Variants in IGBP1 observed in about 807,000 individuals in gnomAD.
IGBP1 encodes the protein immunoglobulin binding protein 1, also known as immunoglobulin-binding protein 1.
A neutral mutation model predicts 25.9 loss-of-function variants in IGBP1; 2 were observed. The ratio of observed to expected loss-of-function variants is 0.08; its 90% confidence interval spans 0.03 to 0.24. The LOEUF (loss-of-function observed/expected upper bound fraction) is 0.24. Ranked by LOEUF, IGBP1 falls within the 10% of genes least tolerant of loss-of-function variation. The pLI is 1.00. For synonymous variants in IGBP1, 96 were observed against 93.4 expected (o/e 1.03, Z -0.16); for missense variants, 187 against 260.4 (o/e 0.72, Z 1.94).
rs538952506 is a variant in IGBP1, at chrX:70,141,093, C to T, written c.483-5540C>T. On this transcript the variant is annotated intron_variant, in intron 3 of 6. Coordinates refer to ENST00000356413, the MANE Select transcript of IGBP1 (RefSeq NM_001551.3). ...GGGTGCGGTCTCTCACACCTGTAAT[C>T]CCAGCACTTTGGGAGACTGAGGTGG... 3.6e-5 allele frequency among the ~76,000 whole-genome samples: 4 copies of T among 110,958 alleles called. No homozygotes were observed. In the South Asian group the frequency reaches 1.5e-3, roughly 43 times the overall value.
chrX:70,145,999 CTG>C (rs1334699896), intron 3 of IGBP1, among the ~76,000 whole-genome samples: 1 of 111,853 alleles, frequency 8.9e-6, no homozygotes, highest in Non-Finnish European at 1.9e-5. Flanking sequence ...TTATATGCTG[CTG>C]TGTCTCCAGC....
chrX:70,162,679 A>G (rs2085276983), intron 6 of IGBP1, among the ~76,000 whole-genome samples: 1 of 112,319 alleles, frequency 8.9e-6, no homozygotes, highest in African/African-American at 3.2e-5. Context: ...AGTTTTTTAA[A>G]ACAATAATTG....
At chrX:70,154,545 A>G (rs2085225351) in intron 6 of IGBP1, among the ~76,000 whole-genome samples, 1 of 106,489 alleles carries the variant, frequency 9.4e-6, no homozygotes, top group Admixed American at 1.0e-4. Context: ...TATTTTACCC[A>G]AAATATACAA....
intron 4 of IGBP1, 129 bp downstream of exon 4, chrX:70,146,957 C>T (rs950109150): frequency 1.9e-6 from 1 of 514,148 alleles, no homozygotes; most frequent in African/African-American, 2.4e-5. Flanking sequence ...CGAAGGGTCA[C>T]TAAGGTAGCT....
intron 3 of IGBP1, among the ~76,000 whole-genome samples, chrX:70,137,653 A>G (rs1239089679): frequency 9.4e-6 from 1 of 106,398 alleles, no homozygotes; most frequent in Non-Finnish European, 1.9e-5. Flanking sequence ...CTGATACGAA[A>G]TGGAATTTAA....
intron 3 of IGBP1, among the ~76,000 whole-genome samples, chrX:70,138,080 G>T (rs1190615497): frequency 2.7e-5 from 3 of 110,860 alleles, no homozygotes; most frequent in Non-Finnish European, 5.7e-5. Context: ...AGGCTGCAGT[G>T]AGCCGAGACT....
rs1250433648 is a variant in IGBP1 at position 70,133,876 on chromosome X, C to G, written c.-72C>G. 1.0e-5 allele frequency: 10 copies of G among 983,770 alleles called. No individual in the cohort carries two copies. The highest frequency in any genetic ancestry group is 2.0e-5 in the South Asian group (1 of 49,147). 81.1% of individuals were successfully genotyped at this position (983,770 alleles called of 1,213,427 possible). A position where few individuals can be genotyped will look rare whatever the true frequency, so the allele number is the denominator to read the frequency against. On this transcript the variant is annotated 5_prime_UTR_variant, in exon 2 of 7. Coordinates refer to ENST00000356413, the MANE Select transcript of IGBP1 (RefSeq NM_001551.3). ...TGCTTCTTCCGGTTTTGTCCGCGCT[C>G]GCCTAATTCTTCTTTATCAAGGTTG...
intron 3 of IGBP1, among the ~76,000 whole-genome samples, chrX:70,146,377 A>G (rs1265939993): frequency 1.8e-5 from 2 of 110,160 alleles, no homozygotes; most frequent in Non-Finnish European, 3.8e-5. Context: ...TCCCTAAAGG[A>G]CTTGCTGAGA....
In IGBP1 at chrX:70,154,055, A is replaced by ATT. The variant is rs36090746; in HGVS notation, c.871+3752_871+3753dup. ...CATCCTTGAGGCCCCCCATCACATA[A>ATT]TTTTTTTTTTTTTTTTTTTTGAGAC... On this transcript the variant is annotated intron_variant, in intron 6 of 6. Transcript: ENST00000356413. Among the ~76,000 whole-genome samples the ATT allele has an allele frequency of 1.7e-3, 111 of 65,571 alleles. 1 individual carries two copies. Among genetic ancestry groups the ATT allele is most frequent in the African/African-American group, 5.9e-3 (105 of 17,901 alleles). 56.9% of individuals were successfully genotyped at this position (65,571 alleles called of 115,157 possible).
chrX:70,136,797 C>T (rs1428602234), intron 3 of IGBP1, among the ~76,000 whole-genome samples: 1 of 109,520 alleles, frequency 9.1e-6, no homozygotes, highest in Non-Finnish European at 1.9e-5. Context: ...GCAACCTCCA[C>T]CTCCTGGGTT....
intron 3 of IGBP1, among the ~76,000 whole-genome samples, chrX:70,138,561 A>G (rs1339539375): frequency 9.0e-6 from 1 of 111,174 alleles, no homozygotes; most frequent in Non-Finnish European, 1.9e-5. Context: ...ACAGAAGAAT[A>G]TTTTTTAAAT....
chrX:70,161,403 C>T (rs1316507122), intron 6 of IGBP1, among the ~76,000 whole-genome samples: 4 of 111,414 alleles, frequency 3.6e-5, no homozygotes, highest in Non-Finnish European at 7.5e-5. Context: ...TAATACCATC[C>T]TCTAATAAAT....
At chrX:70,136,702 T>TTAG (rs1343873767) in intron 3 of IGBP1, among the ~76,000 whole-genome samples, 1 of 97,920 alleles carries the variant, frequency 1.0e-5, no homozygotes, top group Non-Finnish European at 1.9e-5. Context: ...TTTTTCTTTA[T>TTAG]TATTATTATT....
chrX:70,165,917 G>C lies in IGBP1; in HGVS notation c.956G>C (p.Arg319Pro). Residue 319 changes from arginine to proline, a missense_variant, in exon 7 of 7, where the codon CGG becomes CCG. By Grantham distance (103) the Arg-to-Pro change is moderately radical (BLOSUM62 -2). Transcript: ENST00000356413. ...EDDEQTLHRA[R>P]EWDDWKDTHP... ...GATGAACAAACACTCCACAGAGCCC[G>C]GGAGTGGGATGACTGGAAGGACACC... 1 of 1,207,917 alleles carries C rather than the reference G, an allele frequency of 8.3e-7. No homozygotes were observed. The highest frequency in any genetic ancestry group is 1.1e-6 in the Non-Finnish European group (1 of 892,261).
chrX:70,162,731 T>C (rs1452187503), intron 6 of IGBP1, among the ~76,000 whole-genome samples: 1 of 112,012 alleles, frequency 8.9e-6, no homozygotes, highest in East Asian at 2.8e-4. Context: ...TCCAGCACTT[T>C]GGGAGGCTTA....
At chrX:70,137,444 A>T (rs766364656) in intron 3 of IGBP1, among the ~76,000 whole-genome samples, 13 of 111,510 alleles carry the variant, frequency 1.2e-4, no homozygotes, top group African/African-American at 4.2e-4. Context: ...TGATTCATTT[A>T]TTCAGAAATA....
intron 6 of IGBP1, among the ~76,000 whole-genome samples, chrX:70,154,024 G>C (rs920732060): frequency 3.7e-5 from 4 of 107,825 alleles, no homozygotes; most frequent in Non-Finnish European, 7.7e-5. Flanking sequence ...TGGGATTGTT[G>C]TGCACCATCC....
chrX:70,164,407 T>C (rs754245411), intron 6 of IGBP1, among the ~76,000 whole-genome samples: 3 of 111,590 alleles, frequency 2.7e-5, no homozygotes, highest in Non-Finnish European at 5.7e-5. Context: ...AGGGAAGGAA[T>C]GGGAATTAAC....
intron 6 of IGBP1, among the ~76,000 whole-genome samples, chrX:70,161,134 T>A (rs2085268765): frequency 8.9e-6 from 1 of 111,988 alleles, no homozygotes; most frequent in Non-Finnish European, 1.9e-5. Context: ...TAACTCCAAT[T>A]GTGATACAGA....
Sources: allele counts gnomAD v4.1 joint callset (sites outside exome capture counted in the v4.1 genomes callset), GRCh38; gene constraint gnomAD v4.1.1; transcripts MANE v1.5; gene names NCBI Gene and HGNC (gene_info 2026-07-23, HGNC 2026-07-21).